The following GRIK1 variants were observed in gnomAD, a reference collection of about 807,000 sequenced individuals.
GRIK1 encodes glutamate ionotropic receptor kainate type subunit 1.
GRIK1 carries 69 observed loss-of-function variants against 105.7 expected under a neutral mutation model. The observed-to-expected ratio is 0.65, with a 90% CI of 0.54 to 0.80. The LOEUF (loss-of-function observed/expected upper bound fraction) is 0.80. GRIK1 is among the 30% of genes least tolerant of loss of function. The pLI, the probability that GRIK1 is intolerant of heterozygous loss-of-function variation, is 0.00. For missense variants in GRIK1, 1,109 were observed against 1,167.3 expected, an observed-to-expected ratio of 0.95 and a Z score of 0.73; for synonymous variants, 438 against 431.3, an observed-to-expected ratio of 1.02 and a Z score of -0.19.
chr21:29,551,839 A>G (rs1240871747), intron 16 of GRIK1, among the ~76,000 whole-genome samples: 1 of 152,144 alleles, frequency 6.6e-6, no homozygotes, highest in Non-Finnish European at 1.5e-5. Flanking sequence ...TGTGGTTTCT[A>G]TATACTGAAT....
intron 6 of GRIK1, among the ~76,000 whole-genome samples, chr21:29,645,049 C>A (rs972095951): frequency 1.3e-5 from 2 of 152,180 alleles, no homozygotes; most frequent in African/African-American, 4.8e-5. Flanking sequence ...AGTTATTGGT[C>A]TGATGATTTA....
intron 1 of GRIK1, among the ~76,000 whole-genome samples, chr21:29,775,169 T>C (rs935608083): frequency 1.3e-5 from 2 of 150,372 alleles, no homozygotes; most frequent in East Asian, 2.0e-4. Context: ...ATACAAAAAT[T>C]AGCCGGCATG....
intron 1 of GRIK1, among the ~76,000 whole-genome samples, chr21:29,793,610 C>T (rs549013397): frequency 4.6e-5 from 7 of 152,138 alleles, no homozygotes; most frequent in African/African-American, 1.7e-4. Context: ...AGGAAAGCTG[C>T]CTTCCCCTAC....
chr21:29,737,214 G>A (rs1242071429), intron 1 of GRIK1, among the ~76,000 whole-genome samples: 10 of 152,136 alleles, frequency 6.6e-5, no homozygotes, highest in East Asian at 1.9e-4. Context: ...TGGTCTTGGC[G>A]AGACTCTGGC....
intron 10 of GRIK1, among the ~76,000 whole-genome samples, 172 bp downstream of exon 10, chr21:29,590,940 C>T (rs1051852300): frequency 2.6e-5 from 4 of 152,158 alleles, no homozygotes; most frequent in African/African-American, 9.7e-5. Context: ...ACGTTGGAAG[C>T]GTCTAATTCA....
At position 29,588,934 on chromosome 21, in the gene GRIK1, A is replaced by T. The variant is rs370513041; in HGVS notation, c.1474T>A (p.Phe492Ile). 3.1e-6 allele frequency: 5 copies of T among 1,604,682 alleles called. No homozygotes were observed. The African/African-American group carries it at 6.7e-5, about 21-fold the overall frequency. The change falls in exon 11 of 18, where the codon TTC becomes ATC. Residue 492 changes from phenylalanine to isoleucine, a missense_variant. Transcript: ENST00000327783. ...GGAACTAGTTTAACATCATAAATGAAACCCAGGATGTTTGACAATTCTTTC... is the reference window on the plus strand; with the variant it reads ...GGAACTAGTTTAACATCATAAATGATACCCAGGATGTTTGACAATTCTTTC... ...LLKELSNILG[F>I]IYDVKLVPDG...
intron 9 of GRIK1, among the ~76,000 whole-genome samples, chr21:29,591,651 CT>C (rs2061335872): frequency 6.6e-6 from 1 of 152,252 alleles, no homozygotes; most frequent in Middle Eastern, 3.4e-3. Context: ...TTACATTCTA[CT>C]GATAGAAACC....
chr21:29,745,430 G>A (rs1227098980), intron 1 of GRIK1, among the ~76,000 whole-genome samples: 1 of 152,208 alleles, frequency 6.6e-6, no homozygotes, highest in Non-Finnish European at 1.5e-5. Context: ...ATAAATTTGT[G>A]TTGTATTAAG....
chr21:29,903,839 A>G (rs2070503194), intron 1 of GRIK1, among the ~76,000 whole-genome samples: 1 of 152,208 alleles, frequency 6.6e-6, no homozygotes, highest in South Asian at 2.1e-4. Flanking sequence ...ATTTATTGCA[A>G]CACTATTTAC....
At chr21:29,648,605 C>A (rs58580718) in intron 6 of GRIK1, among the ~76,000 whole-genome samples, 309 of 152,182 alleles carry the variant, frequency 2.0e-3, no homozygotes, top group African/African-American at 7.1e-3. Context: ...AAGCAAAGCA[C>A]AAAATCACAA....
At chr21:29,881,733 A>G (rs1262314958) in intron 1 of GRIK1, among the ~76,000 whole-genome samples, 1 of 152,130 alleles carries the variant, frequency 6.6e-6, no homozygotes, top group Non-Finnish European at 1.5e-5. Context: ...TCCTTTGGCT[A>G]GAGTGGGAAC....
intron 7 of GRIK1, among the ~76,000 whole-genome samples, chr21:29,602,962 T>C (rs1430830781): frequency 1.3e-5 from 2 of 152,122 alleles, no homozygotes; most frequent in Non-Finnish European, 1.5e-5. Flanking sequence ...GTAGTTCTCA[T>C]AGAACAAAAT....
intron 7 of GRIK1, among the ~76,000 whole-genome samples, chr21:29,610,627 C>T (rs909242793): frequency 3.9e-5 from 6 of 152,124 alleles, no homozygotes; most frequent in East Asian, 3.8e-4. Context: ...CAGAAAGAAT[C>T]GGCCTTACCA....
chr21:29,933,908 A>G (rs1389722128), intron 1 of GRIK1, among the ~76,000 whole-genome samples: 1 of 152,164 alleles, frequency 6.6e-6, no homozygotes, highest in Admixed American at 6.5e-5. Flanking sequence ...ATATCCTATG[A>G]CATATGGATA....
chr21:29,843,128 G>A (rs2068025576), intron 1 of GRIK1, among the ~76,000 whole-genome samples: 1 of 152,164 alleles, frequency 6.6e-6, no homozygotes, highest in African/African-American at 2.4e-5. Flanking sequence ...TCCGTGGGCA[G>A]GTTCTTGTCA....
intron 9 of GRIK1, among the ~76,000 whole-genome samples, chr21:29,594,213 A>T (rs942017267): frequency 2.6e-5 from 4 of 152,034 alleles, no homozygotes; most frequent in African/African-American, 9.7e-5. Context: ...GTGTATGTGC[A>T]CGCATGTGTG....
At chr21:29,886,242 T>G (rs888414401) in intron 1 of GRIK1, among the ~76,000 whole-genome samples, 3 of 152,162 alleles carry the variant, frequency 2.0e-5, no homozygotes, top group Non-Finnish European at 4.4e-5. Flanking sequence ...ATAACTAATA[T>G]TAATGCATTT....
intron 1 of GRIK1, among the ~76,000 whole-genome samples, chr21:29,782,276 C>T (rs900162898): frequency 8.6e-5 from 13 of 151,822 alleles, no homozygotes; most frequent in Non-Finnish European, 1.5e-4. Flanking sequence ...TTAGTAGAGA[C>T]AGGGTTTCAC....
At chr21:29,564,521 A>G (rs1448973193) in intron 14 of GRIK1, among the ~76,000 whole-genome samples, 2 of 152,224 alleles carry the variant, frequency 1.3e-5, no homozygotes, top group Non-Finnish European at 1.5e-5. Flanking sequence ...ATGGAAGTCA[A>G]AAACAAAGTC....
Sources: allele counts gnomAD v4.1 joint callset (sites outside exome capture counted in the v4.1 genomes callset), GRCh38; gene constraint gnomAD v4.1.1; transcripts MANE v1.5; gene names NCBI Gene and HGNC (gene_info 2026-07-23, HGNC 2026-07-21).